CCIN: variants seen among roughly 807,000 people sequenced by gnomAD.
CCIN encodes the protein calicin.
CCIN carries 15 observed loss-of-function variants against 32.2 expected under a neutral mutation model. That is an observed-to-expected ratio of 0.47 (90% CI 0.31 to 0.72). The LOEUF is 0.72. Ranked by LOEUF, CCIN falls within the 30% of genes least tolerant of loss-of-function variation. CCIN has a pLI of 0.05. For missense variants in CCIN, 623 were observed against 759.4 expected (o/e 0.82, Z 2.11); for synonymous variants, 302 against 297.4 (o/e 1.02, Z -0.16).
rs1402095558 is a variant in CCIN, at chr9:36,170,305, T to A, written c.803T>A (p.Leu268Gln). 5 of 1,614,200 alleles carry A rather than the reference T, an allele frequency of 3.1e-6. No individual in the cohort carries two copies. Among genetic ancestry groups the A allele is most frequent in the Non-Finnish European group, 3.4e-6 (4 of 1,180,034 alleles). Residue 268 changes from leucine to glutamine, a missense_variant, in exon 1 of 1, where the codon CTG (leucine) becomes CAG (glutamine). Transcript: ENST00000335119. ...CGCAAGCAGGAGCGGCCATGCAGCCTGCTGGTCTACCAGCGGAAAGGGGCC... is the reference window on the plus strand; with the variant it reads ...CGCAAGCAGGAGCGGCCATGCAGCCAGCTGGTCTACCAGCGGAAAGGGGCC... ...MDRKQERPCS[L>Q]LVYQRKGALL...
chr9:36,171,030 A>T lies in CCIN; in HGVS notation c.1528A>T (p.Ser510Cys). Residue 510 changes from serine to cysteine, a missense_variant, in exon 1 of 1, where the codon AGC becomes TGC. Coordinates refer to ENST00000335119, the MANE Select transcript of CCIN (RefSeq NM_005893.3). ...CACCTCAGTGCCTGTCTTGCCCAAC[A>T]GCTGCCCCTTGGATGTGTCCCATGC... ...TTTSVPVLPN[S>C]CPLDVSHAIC... is the part of the protein sequence containing the mutation. The T allele has an allele frequency of 6.2e-7, 1 of 1,614,230 alleles. No homozygotes were observed. The highest frequency in any genetic ancestry group is 8.5e-7 in the Non-Finnish European group (1 of 1,180,036).
Position 36,170,508 on chromosome 9 carries a change from A to C in CCIN, c.1006A>C (p.Thr336Pro). The change falls in exon 1 of 1, where the codon ACT becomes CCT. Residue 336 changes from threonine (T) to proline (P), a missense_variant. Physicochemically the swap from Thr to Pro is conservative, Grantham distance 38. Transcript: ENST00000335119. ...GRYIYISGGT[T>P]EQISGLKTAW... The stretch of plus-strand genomic sequence containing the variant: ...CTACATCTACATCTCTGGTGGCACC[A>C]CTGAGCAGATTTCAGGGCTGAAGAC... The C allele has an allele frequency of 6.2e-7, 1 of 1,614,190 alleles. No individual in the cohort carries two copies. Among genetic ancestry groups the C allele is most frequent in the Non-Finnish European group, 8.5e-7 (1 of 1,180,042 alleles).
chr9:36,169,445 T>TGAGAAA lies in CCIN; in HGVS notation c.-56_-51dup. ...AACCATCAATCTGATCCCACAGGCC[T>TGAGAAA]GAGAAAGTCTGCTCTCCAGTACCTG... On this transcript the variant is annotated 5_prime_UTR_variant, in exon 1 of 1. Coordinates refer to ENST00000335119, the MANE Select transcript of CCIN (RefSeq NM_005893.3). 6.5e-7 allele frequency: 1 copy of TGAGAAA among 1,548,958 alleles called. No individual in the cohort carries two copies. Among genetic ancestry groups the TGAGAAA allele is most frequent in the Non-Finnish European group, 8.9e-7 (1 of 1,125,642 alleles).
rs369124897 is a variant in CCIN at position 36,169,905 on chromosome 9, C to G, written c.403C>G (p.Arg135Gly). Residue 135 changes from arginine (R) to glycine (G), a missense_variant, in exon 1 of 1, where the codon CGC becomes GGC. Physicochemically the swap from Arg to Gly is moderately radical, Grantham distance 125. Transcript: ENST00000335119. ...IKSICRANCL[R>G]YLFLAELFEL... Reference sequence around the variant, plus strand: ...GTCCATCTGCCGTGCCAACTGCTTGCGCTACCTCTTCTTGGCTGAGCTGTT... The same window carrying G: ...GTCCATCTGCCGTGCCAACTGCTTGGGCTACCTCTTCTTGGCTGAGCTGTT... 1.2e-6 allele frequency: 2 copies of G among 1,613,992 alleles called. No homozygotes were observed. The highest frequency in any genetic ancestry group is 1.7e-6 in the Non-Finnish European group (2 of 1,180,034).
At position 36,170,784 on chromosome 9, in the gene CCIN, A is replaced by G. The variant is rs200163457; in HGVS notation, c.1282A>G (p.Ile428Val). 40 of 1,614,158 alleles carry G rather than the reference A, an allele frequency of 2.5e-5. No individual in the cohort carries two copies. Among genetic ancestry groups the G allele is most frequent in the Non-Finnish European group, 3.0e-5 (35 of 1,180,060 alleles). The change falls in exon 1 of 1, where the codon ATT becomes GTT. Residue 428 changes from isoleucine to valine, a missense_variant. By Grantham distance (29) the Ile-to-Val change is conservative. Coordinates refer to ENST00000335119, the MANE Select transcript of CCIN (RefSeq NM_005893.3). ...CACTAAAGGAGACAGGCATCTGTAC[A>G]TTGTCACTGGACGGTGCTTGGTGAA... ...VITKGDRHLYIVTGRCLVKGY... is the reference protein window; with the variant it reads ...VITKGDRHLYVVTGRCLVKGY...
In CCIN at chr9:36,169,865, C is replaced by T. The variant is rs372099901; in HGVS notation, c.363C>T (p.Asn121=). 5.1e-5 allele frequency: 83 copies of T among 1,614,032 alleles called. No individual in the cohort carries two copies. The highest frequency in any genetic ancestry group is 2.9e-4 in the East Asian group (13 of 44,880). ...FNTPRLRVHC[N]DFLIKSICRA... Reference sequence around the variant, plus strand: ...CACCACGCCTTCGAGTTCACTGTAACGACTTCCTTATTAAGTCCATCTGCC... The same window carrying T: ...CACCACGCCTTCGAGTTCACTGTAATGACTTCCTTATTAAGTCCATCTGCC... The change falls in exon 1 of 1, where the codon AAC becomes AAT. Residue 121 remains asparagine (N), a synonymous_variant. Coordinates refer to ENST00000335119, the MANE Select transcript of CCIN (RefSeq NM_005893.3).
Position 36,170,511 on chromosome 9 carries a change from G to T in CCIN, c.1009G>T (p.Glu337Ter). The T allele has an allele frequency of 6.2e-7, 1 of 1,614,132 alleles. No individual in the cohort carries two copies. The highest frequency in any genetic ancestry group is 2.2e-5 in the East Asian group (1 of 44,894). ...RYIYISGGTT[E>*]QISGLKTAWR... ...CATCTACATCTCTGGTGGCACCACTGAGCAGATTTCAGGGCTGAAGACAGC... is the reference window on the plus strand; with the variant it reads ...CATCTACATCTCTGGTGGCACCACTTAGCAGATTTCAGGGCTGAAGACAGC... Residue 337 changes from glutamate (E) to a stop codon, truncating the protein, a stop_gained, in exon 1 of 1, where the codon GAG becomes TAG. Coordinates refer to ENST00000335119, the MANE Select transcript of CCIN (RefSeq NM_005893.3). LOFTEE classifies it high-confidence loss of function.
rs765156239 is a variant in CCIN at position 36,170,084 on chromosome 9, A to G, written c.582A>G (p.Glu194=). The G allele has an allele frequency of 6.2e-7, 1 of 1,614,262 alleles. No homozygotes were observed. The highest frequency in any genetic ancestry group is 8.5e-7 in the Non-Finnish European group (1 of 1,180,052). The change falls in exon 1 of 1, where the codon GAA becomes GAG. Residue 194 remains glutamate, a synonymous_variant. Transcript: ENST00000335119. ...ATGAAAACCTTCACGTGCTCAATGAAGACCAGGCGCTCAGCGCACTCATCA... is the reference window on the plus strand; with the variant it reads ...ATGAAAACCTTCACGTGCTCAATGAGGACCAGGCGCTCAGCGCACTCATCA... ...LRDENLHVLN[E]DQALSALINW...
chr9:36,169,610 C>A lies in CCIN; in HGVS notation c.108C>A (p.Asn36Lys), dbSNP rs1269963601. The change falls in exon 1 of 1, where the codon AAC (asparagine) becomes AAA (lysine). Residue 36 changes from asparagine to lysine, a missense_variant. Coordinates refer to ENST00000335119, the MANE Select transcript of CCIN (RefSeq NM_005893.3). ...EYWDMALSVD[N>K]HVFFAHRNVL... Reference sequence around the variant, plus strand: ...GGGACATGGCCCTGAGTGTGGACAACCACGTCTTCTTTGCACATCGCAATG... The same window carrying A: ...GGGACATGGCCCTGAGTGTGGACAAACACGTCTTCTTTGCACATCGCAATG... The A allele has an allele frequency of 6.2e-7, 1 of 1,614,092 alleles. No individual in the cohort carries two copies. The highest frequency in any genetic ancestry group is 1.3e-5 in the African/African-American group (1 of 74,928).
Position 36,171,081 on chromosome 9 carries a change from G to A in CCIN, c.1579G>A (p.Val527Met), listed in dbSNP as rs1195809327. The A allele has an allele frequency of 1.2e-6, 2 of 1,614,198 alleles. No individual in the cohort carries two copies. Among genetic ancestry groups the A allele is most frequent in the South Asian group, 1.1e-5 (1 of 91,080 alleles). The change falls in exon 1 of 1, where the codon GTG (valine) becomes ATG (methionine). Residue 527 changes from valine (V) to methionine (M), a missense_variant. Val to Met is a conservative substitution (Grantham distance 21, BLOSUM62 1). Transcript: ENST00000335119. ...TATATGCTCCATTGGAGACAGCAAG[G>A]TGTTTGTATGTGGGGGTGTCACCAC... ...HAICSIGDSK[V>M]FVCGGVTTAS...
rs75257915 is a variant in CCIN at position 36,171,245 on chromosome 9, T to C, written c.1743T>C (p.Pro581=). ...DCPACCLAKL[P]CKILQRI ...CTGCCTGCTGTCTAGCCAAGCTACC[T>C]TGCAAGATTCTTCAAAGGATTTAAA... Residue 581 remains proline, a synonymous_variant, in exon 1 of 1, where the codon CCT becomes CCC. Transcript: ENST00000335119. The C allele has an allele frequency of 1.2e-3, 1,868 of 1,613,260 alleles. 24 individuals are homozygous for C. The African/African-American group carries it at 0.021, about 18-fold the overall frequency.
Position 36,170,405 on chromosome 9 carries a change from C to T in CCIN, c.903C>T (p.Ile301=). The T allele has an allele frequency of 1.2e-6, 2 of 1,614,108 alleles. No individual in the cohort carries two copies. The highest frequency in any genetic ancestry group is 1.7e-6 in the Non-Finnish European group (2 of 1,180,050). Residue 301 remains isoleucine, a synonymous_variant, in exon 1 of 1, where the codon ATC becomes ATT. Coordinates refer to ENST00000335119, the MANE Select transcript of CCIN (RefSeq NM_005893.3). ...TCAATGATGGAGTGTTTGCTTATAT[C>T]ATCCAGGAGAACCTGTGGATGAAGC... ...GQFNDGVFAY[I]IQENLWMKLS... is the part of the protein sequence containing the mutation.
Position 36,171,112 on chromosome 9 carries a change from G to C in CCIN, c.1610G>C (p.Ser537Thr). 1.2e-6 allele frequency: 2 copies of C among 1,614,166 alleles called. No homozygotes were observed. Among genetic ancestry groups the C allele is most frequent in the Non-Finnish European group, 1.7e-6 (2 of 1,180,016 alleles). Residue 537 changes from serine (S) to threonine (T), a missense_variant, in exon 1 of 1, where the codon AGC becomes ACC. Coordinates refer to ENST00000335119, the MANE Select transcript of CCIN (RefSeq NM_005893.3). Reference protein sequence around the residue: ...VFVCGGVTTASDVQTKDYTIN... With the variant: ...VFVCGGVTTATDVQTKDYTIN... ...GTATGTGGGGGTGTCACCACTGCCA[G>C]CGATGTCCAGACAAAGGACTACACC...
chr9:36,169,760 G>T lies in CCIN; in HGVS notation c.258G>T (p.Leu86=). 1 of 1,614,134 alleles carries T rather than the reference G, an allele frequency of 6.2e-7. No individual in the cohort carries two copies. Among genetic ancestry groups the T allele is most frequent in the Non-Finnish European group, 8.5e-7 (1 of 1,180,022 alleles). Residue 86 remains leucine, a synonymous_variant, in exon 1 of 1, where the codon CTG becomes CTT. Coordinates refer to ENST00000335119, the MANE Select transcript of CCIN (RefSeq NM_005893.3). ...GCCCGGTCACAGTGGACCAGCTTCT[G>T]GACTACTTCTATAGCGGCAAGGTGG... ...YLSPVTVDQL[L]DYFYSGKVVI... is the part of the protein sequence containing the mutation.
In CCIN at chr9:36,169,821, G is replaced by A. The variant is rs907031871; in HGVS notation, c.319G>A (p.Gly107Arg). The change falls in exon 1 of 1, where the codon GGG becomes AGG. Residue 107 changes from glycine to arginine, a missense_variant. Coordinates refer to ENST00000335119, the MANE Select transcript of CCIN (RefSeq NM_005893.3). ...SEQNVEELLR[G>R]AQYFNTPRLR... ...GCAAAATGTGGAGGAGCTGCTTCGTGGGGCTCAGTATTTCAACACACCACG... is the reference window on the plus strand; with the variant it reads ...GCAAAATGTGGAGGAGCTGCTTCGTAGGGCTCAGTATTTCAACACACCACG... The A allele has an allele frequency of 2.5e-6, 4 of 1,614,156 alleles. No individual in the cohort carries two copies. The highest frequency in any genetic ancestry group is 3.4e-6 in the Non-Finnish European group (4 of 1,180,042).
rs758220187 is a variant in CCIN, at chr9:36,170,622, G to C, written c.1120G>C (p.Gly374Arg). The change falls in exon 1 of 1, where the codon GGG becomes CGG. Residue 374 changes from glycine (G) to arginine (R), a missense_variant. Physicochemically the swap from Gly to Arg is moderately radical, Grantham distance 125. Transcript: ENST00000335119. ...GLVFHTMVTC[G>R]GTVYSVGGSI... Reference sequence around the variant, plus strand: ...TGTCTTCCACACCATGGTGACCTGTGGGGGGACAGTGTACTCAGTGGGCGG... The same window carrying C: ...TGTCTTCCACACCATGGTGACCTGTCGGGGGACAGTGTACTCAGTGGGCGG... 5.6e-6 allele frequency: 9 copies of C among 1,613,958 alleles called. No individual in the cohort carries two copies. In the African/African-American group the frequency reaches 6.7e-5, roughly 12 times the overall value.
In CCIN at chr9:36,170,750, C is replaced by A; in HGVS notation, c.1248C>A (p.Thr416=). 6.2e-7 allele frequency: 1 copy of A among 1,614,266 alleles called. No individual in the cohort carries two copies. The highest frequency in any genetic ancestry group is 8.5e-7 in the Non-Finnish European group (1 of 1,180,040). The change falls in exon 1 of 1, where the codon ACC becomes ACA. Residue 416 remains threonine (T), a synonymous_variant. Transcript: ENST00000335119. ...AGKMSIPMDG[T]AVITKGDRHL... ...AGATGAGCATCCCCATGGATGGCAC[C>A]GCCGTGATCACTAAAGGAGACAGGC...
In CCIN at chr9:36,170,859, G is replaced by C; in HGVS notation, c.1357G>C (p.Gly453Arg). ...GVVDCFDTST[G>R]DVVQCITFPI... ...AGTGGACTGCTTTGACACCAGCACT[G>C]GGGACGTGGTCCAGTGTATCACCTT... Residue 453 changes from glycine (G) to arginine (R), a missense_variant, in exon 1 of 1, where the codon GGG becomes CGG. By Grantham distance (125) the Gly-to-Arg change is moderately radical (BLOSUM62 -2). Transcript: ENST00000335119. 6.2e-7 allele frequency: 1 copy of C among 1,614,254 alleles called. No individual in the cohort carries two copies. Among genetic ancestry groups the C allele is most frequent in the South Asian group, 1.1e-5 (1 of 91,090 alleles).
chr9:36,171,136 C>G lies in CCIN; in HGVS notation c.1634C>G (p.Thr545Ser). ...TASDVQTKDY[T>S]INPNAFLLDQ... Reference sequence around the variant, plus strand: ...AGCGATGTCCAGACAAAGGACTACACCATCAATCCAAATGCCTTCTTGCTG... The same window carrying G: ...AGCGATGTCCAGACAAAGGACTACAGCATCAATCCAAATGCCTTCTTGCTG... The change falls in exon 1 of 1, where the codon ACC (threonine) becomes AGC (serine). Residue 545 changes from threonine (T) to serine (S), a missense_variant. By Grantham distance (58) the Thr-to-Ser change is moderately conservative. Coordinates refer to ENST00000335119, the MANE Select transcript of CCIN (RefSeq NM_005893.3). 6.2e-7 allele frequency: 1 copy of G among 1,614,202 alleles called. No homozygotes were observed. The highest frequency in any genetic ancestry group is 1.7e-4 in the Middle Eastern group (1 of 6,060).
Sources: allele counts gnomAD v4.1 joint callset, GRCh38; gene constraint gnomAD v4.1.1; transcripts MANE v1.5; gene names NCBI Gene and HGNC (gene_info 2026-07-23, HGNC 2026-07-21).